The following OTUD7A variants were observed in gnomAD, a reference collection of about 807,000 sequenced individuals.
OTUD7A encodes the protein OTU deubiquitinase 7A.
A neutral mutation model predicts 65.7 loss-of-function variants in OTUD7A; 12 were observed. The ratio of observed to expected loss-of-function variants is 0.18; its 90% CI spans 0.12 to 0.30. The LOEUF is 0.30. OTUD7A is among the 10% of genes least tolerant of loss of function. The pLI, the probability that OTUD7A is intolerant of heterozygous loss-of-function variation, is 1.00. For missense variants in OTUD7A, 1,148 were observed against 1,304.8 expected, an observed-to-expected ratio of 0.88 and a Z score of 1.85; for synonymous variants, 641 against 586.3, an observed-to-expected ratio of 1.09 and a Z score of -1.35.
At chr15:31,862,663 TCC>T (rs1555425467) in intron 1 of OTUD7A, among the ~76,000 whole-genome samples, 1 of 121,058 alleles carries the variant, frequency 8.3e-6, no homozygotes, top group Non-Finnish European at 2.0e-5. Flanking sequence ...TTCAATAACC[TCC>T]CCCTGAGTCC....
intron 1 of OTUD7A, among the ~76,000 whole-genome samples, chr15:31,668,008 AT>A (rs1283526148): frequency 3.3e-5 from 5 of 152,212 alleles, no homozygotes; most frequent in Admixed American, 1.3e-4. Flanking sequence ...CTGCTGAGAA[AT>A]CTGCTGTTAG....
At chr15:31,654,860 C>G (rs1180972863) in intron 3 of OTUD7A, among the ~76,000 whole-genome samples, 1 of 152,178 alleles carries the variant, frequency 6.6e-6, no homozygotes, top group Non-Finnish European at 1.5e-5. Flanking sequence ...AGATATGAAA[C>G]TAAGGCCTAC....
intron 1 of OTUD7A, among the ~76,000 whole-genome samples, chr15:31,793,851 G>T (rs533631726): frequency 6.6e-6 from 1 of 152,310 alleles, no homozygotes; most frequent in East Asian, 1.9e-4. Context: ...CTGTTGATTT[G>T]AAGAGTTCCT....
chr15:31,806,796 CAGG>C (rs1567033538), intron 1 of OTUD7A, among the ~76,000 whole-genome samples: 2 of 152,226 alleles, frequency 1.3e-5, no homozygotes. Context: ...AAATGGTAAG[CAGG>C]AGAACTGAGT....
intron 3 of OTUD7A, among the ~76,000 whole-genome samples, chr15:31,643,139 T>TGTGGAAAAAAATTAATAAATAA (rs202175828): frequency 0.18 from 26,805 of 151,780 alleles, 2,578 homozygotes; most frequent in East Asian, 0.25. Context: ...TCACAGATGC[T>TGTGGAAAAAAATTAATAAATAA]TTAATTTTTA....
At chr15:31,831,167 C>A (rs1023971845) in intron 1 of OTUD7A, among the ~76,000 whole-genome samples, 3 of 152,150 alleles carry the variant, frequency 2.0e-5, no homozygotes, top group Admixed American at 6.5e-5. Context: ...AGATGAATCA[C>A]AATGCTCAAT....
At chr15:31,829,591 C>A (rs1368189354) in intron 1 of OTUD7A, among the ~76,000 whole-genome samples, 1 of 152,204 alleles carries the variant, frequency 6.6e-6, no homozygotes, top group Non-Finnish European at 1.5e-5. Context: ...CAAGTAAATG[C>A]ATGGACACTG....
intron 8 of OTUD7A, among the ~76,000 whole-genome samples, chr15:31,505,709 G>T (rs1404639681): frequency 6.6e-6 from 1 of 151,650 alleles, no homozygotes; most frequent in African/African-American, 2.4e-5. Flanking sequence ...TAGCTTATAA[G>T]TATATTAATA....
chr15:31,484,251 C>CCG lies in OTUD7A; in HGVS notation c.1843_1844dup (p.Asp617AlafsTer10). On this transcript the variant is annotated frameshift_variant, in exon 13 of 13. Coordinates refer to ENST00000307050, the MANE Select transcript of OTUD7A (RefSeq NM_001382637.1). LOFTEE classifies it low-confidence loss of function (END_TRUNC). This position sits in a 1 kb window ranked among gnomAD's most constrained non-coding sequence, Gnocchi z 4.5. ...CCGTGCTGTACTTCCAGGCGTCGCC[C>CCG]CGCGGCCCACCGCCCTTCTCCGCCG... 1 of 1,596,272 alleles carries CCG rather than the reference C, an allele frequency of 6.3e-7. No individual in the cohort carries two copies. The highest frequency in any genetic ancestry group is 8.5e-7 in the Non-Finnish European group (1 of 1,174,114).
intron 8 of OTUD7A, among the ~76,000 whole-genome samples, chr15:31,519,118 CTGTGTGTGTGTG>C (rs56265620): frequency 1.3e-5 from 2 of 151,038 alleles, no homozygotes. Context: ...TAGCACTGTG[CTGTGTGTGTGTG>C]TGTGTGTGTG....
intron 1 of OTUD7A, among the ~76,000 whole-genome samples, chr15:31,844,542 C>T (rs918026363): frequency 7.2e-5 from 11 of 152,190 alleles, no homozygotes; most frequent in African/African-American, 2.7e-4. Flanking sequence ...CCATGAGACC[C>T]CTTCCTGATG....
chr15:31,843,228 G>T (rs1897225783), intron 1 of OTUD7A, among the ~76,000 whole-genome samples: 3 of 151,746 alleles, frequency 2.0e-5, no homozygotes, highest in Admixed American at 1.3e-4. Context: ...CCCAACTTCT[G>T]GGGGAATTTC....
intron 10 of OTUD7A, among the ~76,000 whole-genome samples, chr15:31,492,507 G>A (rs1392392465): frequency 6.6e-6 from 1 of 151,886 alleles, no homozygotes; most frequent in Non-Finnish European, 1.5e-5. Flanking sequence ...GAACCCAGGA[G>A]GCGGAGGCTG....
At chr15:31,507,641 C>A (rs140070811) in intron 8 of OTUD7A, among the ~76,000 whole-genome samples, 224 of 12,198 alleles carry the variant, frequency 0.018, 2 homozygotes, top group Middle Eastern at 0.1. Flanking sequence ...GGCTGGGGGG[C>A]GGGGGTGGCA....
chr15:31,606,974 C>T (rs1019236785), intron 3 of OTUD7A, among the ~76,000 whole-genome samples: 5 of 152,238 alleles, frequency 3.3e-5, no homozygotes, highest in East Asian at 1.9e-4. Context: ...TGGGGAGTTT[C>T]GCTTCTGGAA....
At chr15:31,526,989 G>A (rs1428724492) in intron 7 of OTUD7A, among the ~76,000 whole-genome samples, 192 bp downstream of exon 7, 7 of 152,166 alleles carry the variant, frequency 4.6e-5, no homozygotes, top group Non-Finnish European at 8.8e-5. Flanking sequence ...GCTGTCTGCC[G>A]GGACTCTGCT....
chr15:31,737,974 C>T (rs1271372703), intron 1 of OTUD7A, among the ~76,000 whole-genome samples: 2 of 152,250 alleles, frequency 1.3e-5, no homozygotes, highest in Middle Eastern at 3.4e-3. Context: ...GTAGTTTGTA[C>T]ATAGTATCTG....
At chr15:31,523,790 A>G (rs1379687702) in intron 8 of OTUD7A, among the ~76,000 whole-genome samples, 1 of 152,236 alleles carries the variant, frequency 6.6e-6, no homozygotes, top group Non-Finnish European at 1.5e-5. Flanking sequence ...ATGGGGAGAG[A>G]AGACACAGGC....
chr15:31,831,454 A>T (rs1010406738), intron 1 of OTUD7A, among the ~76,000 whole-genome samples: 1 of 152,200 alleles, frequency 6.6e-6, no homozygotes, highest in African/African-American at 2.4e-5. Context: ...GTCAGATAAC[A>T]GGGAAATGCA....
Sources: allele counts gnomAD v4.1 joint callset (sites outside exome capture counted in the v4.1 genomes callset), GRCh38; gene constraint gnomAD v4.1.1; non-coding constraint Gnocchi (gnomAD v3.1); transcripts MANE v1.5; gene names NCBI Gene and HGNC (gene_info 2026-07-23, HGNC 2026-07-21).